Variants in FAM184B observed in about 807,000 individuals in gnomAD.
FAM184B encodes the protein protein FAM184B.
Under a neutral mutation model 135.9 loss-of-function variants are expected in FAM184B, and 111 were observed. That is an observed-to-expected ratio of 0.82 (90% CI 0.70 to 0.96). The LOEUF (loss-of-function observed/expected upper bound fraction) is 0.96. FAM184B is among the 40% of genes least tolerant of loss of function. The pLI is 0.00. For synonymous variants in FAM184B, 552 were observed against 524.8 expected (o/e 1.05, Z -0.71); for missense variants, 1,375 against 1,323.9 (o/e 1.04, Z -0.60).
chr4:17,769,164 C>T (rs1041358371), intron 1 of FAM184B, among the ~76,000 whole-genome samples: 3 of 152,086 alleles, frequency 2.0e-5, no homozygotes, highest in Non-Finnish European at 4.4e-5. Flanking sequence ...AGAATACTAA[C>T]ACAACCATTA....
Position 17,635,110 on chromosome 4 carries a change from C to T in FAM184B, c.2788G>A (p.Glu930Lys). ...REDIIKQLTE[E>K]RRFHYAAFPS... is the part of the protein sequence containing the mutation. ...AATGCTGCGTAGTGAAATCTTCTCT[C>T]TTCCTAGAAAACCAATACAACTGAG... is the stretch of plus-strand genomic sequence containing the variant. The change falls in exon 16 of 18, where the codon GAG (glutamate) becomes AAG (lysine). Residue 930 changes from glutamate to lysine, a missense_variant. Physicochemically the swap from Glu to Lys is moderately conservative, Grantham distance 56. Transcript: ENST00000265018. 3.2e-6 allele frequency: 5 copies of T among 1,551,204 alleles called. No individual in the cohort carries two copies. The highest frequency in any genetic ancestry group is 4.4e-6 in the Non-Finnish European group (5 of 1,146,594).
intron 1 of FAM184B, among the ~76,000 whole-genome samples, chr4:17,746,730 T>TC (rs1248095816): frequency 1.2e-4 from 15 of 125,108 alleles, no homozygotes; most frequent in African/African-American, 5.1e-4. Context: ...AGACACGGTC[T>TC]CAAAAAAAAA....
chr4:17,631,207 GATATAT>G lies in FAM184B; in HGVS notation c.*1319_*1324del, dbSNP rs113202971. Reference sequence around the variant, plus strand: ...AAACCCAAAGACCAGAGGTTCAGGGGATATATATATATATTTTTTTAATCTGTAGAG... The same window carrying G: ...AAACCCAAAGACCAGAGGTTCAGGGGATATATATTTTTTTAATCTGTAGAG... On this transcript the variant is annotated 3_prime_UTR_variant, in exon 18 of 18. Transcript: ENST00000265018. The G allele has an allele frequency of 2.0e-5, 3 of 151,712 alleles. No homozygotes were observed. Among genetic ancestry groups the G allele is most frequent in the South Asian group, 2.1e-4 (1 of 4,822 alleles). 9.4% of individuals were successfully genotyped at this position (151,712 alleles called of 1,614,324 possible).
rs111725471 is a variant in FAM184B, at chr4:17,714,478, C to T, written c.142-4834G>A. ...CCCTGAAGGACCAGGGAGAAGGCCA[C>T]CTACTCCCTCAGGAACACTGTCTGT... On this transcript the variant is annotated intron_variant, in intron 1 of 17. Transcript: ENST00000265018. 2.0e-3 allele frequency among the ~76,000 whole-genome samples: 297 copies of T among 152,220 alleles called. 2 individuals are homozygous for T. The highest frequency in any genetic ancestry group is 6.5e-3 in the African/African-American group (271 of 41,536).
At chr4:17,681,991 T>C (rs567539996) in intron 7 of FAM184B, among the ~76,000 whole-genome samples, 5 of 152,320 alleles carry the variant, frequency 3.3e-5, no homozygotes, top group African/African-American at 1.2e-4. Context: ...CCATTTGAAA[T>C]GTGAGCCCTC....
chr4:17,733,884 C>G (rs1717846788), intron 1 of FAM184B, among the ~76,000 whole-genome samples: 2 of 152,054 alleles, frequency 1.3e-5, no homozygotes, highest in African/African-American at 4.8e-5. Flanking sequence ...AATCCTAAGC[C>G]AAAAGAACAA....
chr4:17,705,943 T>G (rs1179872036), intron 3 of FAM184B, 52 bp from the exon 4 acceptor site: 3 of 1,547,028 alleles, frequency 1.9e-6, no homozygotes, highest in African/African-American at 2.7e-5. Context: ...CATGGCCTCT[T>G]GTTCAAGGCT....
At chr4:17,640,345 A>G (rs1023541389) in intron 13 of FAM184B, among the ~76,000 whole-genome samples, 2 of 149,848 alleles carry the variant, frequency 1.3e-5, no homozygotes, top group Non-Finnish European at 3.0e-5. Flanking sequence ...TTAGCTGGGC[A>G]TGGTGGTGTC....
intron 1 of FAM184B, among the ~76,000 whole-genome samples, chr4:17,748,239 C>T (rs1718218432): frequency 6.6e-6 from 1 of 151,868 alleles, no homozygotes; most frequent in Admixed American, 6.6e-5. Context: ...CACTCTTGCT[C>T]TCTGAGGTGC....
At chr4:17,664,776 C>G in intron 7 of FAM184B, 117 bp from the exon 8 acceptor site, 4 of 796,022 alleles carry the variant, frequency 5.0e-6, no homozygotes, top group Non-Finnish European at 7.8e-6. Context: ...GAGCCCCCAG[C>G]AACCCACTAT....
rs374015953 is a variant in FAM184B, at chr4:17,691,613, G to T, written c.1488+1689C>A. On this transcript the variant is annotated intron_variant, in intron 6 of 17. Coordinates refer to ENST00000265018, the MANE Select transcript of FAM184B (RefSeq NM_015688.2). ...AGGCAGGAGAATTGCTTGAACCCAGGAGGTGGAGGTTGCAGTGAGCTGAGA... is the reference window on the plus strand; with the variant it reads ...AGGCAGGAGAATTGCTTGAACCCAGTAGGTGGAGGTTGCAGTGAGCTGAGA... Among the ~76,000 whole-genome samples the T allele has an allele frequency of 3.3e-5, 5 of 151,048 alleles. No individual in the cohort carries two copies. In the South Asian group the frequency reaches 1.0e-3, roughly 32 times the overall value.
intron 1 of FAM184B, among the ~76,000 whole-genome samples, chr4:17,772,650 C>T (rs1421561585): frequency 6.6e-6 from 1 of 152,226 alleles, no homozygotes; most frequent in African/African-American, 2.4e-5. Context: ...AATAACATTC[C>T]TCTTCCCCAC....
intron 11 of FAM184B, among the ~76,000 whole-genome samples, chr4:17,651,939 G>T (rs1233351209): frequency 6.6e-6 from 1 of 152,084 alleles, no homozygotes; most frequent in Non-Finnish European, 1.5e-5. Context: ...AGGAAGCAGA[G>T]CCTGGAGGCC....
At chr4:17,664,005 G>C (rs1228828826) in intron 8 of FAM184B, among the ~76,000 whole-genome samples, 1 of 152,134 alleles carries the variant, frequency 6.6e-6, no homozygotes. Context: ...GCAGAATTGT[G>C]AGTCAATTAA....
intron 7 of FAM184B, among the ~76,000 whole-genome samples, chr4:17,668,711 T>G (rs895834619): frequency 5.3e-5 from 8 of 152,148 alleles, no homozygotes; most frequent in African/African-American, 1.9e-4. Flanking sequence ...TTTTTTATTT[T>G]TTTGAGTAGA....
At chr4:17,695,603 A>G (rs1316526619) in intron 5 of FAM184B, among the ~76,000 whole-genome samples, 2 of 152,110 alleles carry the variant, frequency 1.3e-5, no homozygotes, top group Non-Finnish European at 2.9e-5. Flanking sequence ...GTGGCAGTGC[A>G]GCTGGGAGGA....
At chr4:17,663,629 CACACA>C (rs1715971271) in intron 8 of FAM184B, among the ~76,000 whole-genome samples, 1 of 151,784 alleles carries the variant, frequency 6.6e-6, no homozygotes, top group African/African-American at 2.4e-5. Flanking sequence ...CACACACACA[CACACA>C]CACACACACA....
Position 17,707,666 on chromosome 4 carries a change from C to T in FAM184B, c.1013G>A (p.Arg338His), listed in dbSNP as rs370275592. ...AKDRMMLQECRGTQQTDAMKT... is the reference protein window; with the variant it reads ...AKDRMMLQECHGTQQTDAMKT... ...CATCTCACCTGTCTGCTGTGTCCCA[C>T]GACACTCCTGCAGCATCATTCTGTC... The change falls in exon 3 of 18, where the codon CGT (arginine) becomes CAT (histidine). Residue 338 changes from arginine (R) to histidine (H), a missense_variant. Coordinates refer to ENST00000265018, the MANE Select transcript of FAM184B (RefSeq NM_015688.2). The T allele has an allele frequency of 3.1e-4, 477 of 1,551,772 alleles. No homozygotes were observed. Among genetic ancestry groups the T allele is most frequent in the Non-Finnish European group, 3.9e-4 (451 of 1,147,010 alleles).
intron 1 of FAM184B, among the ~76,000 whole-genome samples, chr4:17,765,100 T>G (rs1718630256): frequency 6.6e-6 from 1 of 152,176 alleles, no homozygotes; most frequent in South Asian, 2.1e-4. Context: ...CCATTGTCCT[T>G]GAAACTACGA....
Sources: allele counts gnomAD v4.1 joint callset (sites outside exome capture counted in the v4.1 genomes callset), GRCh38; gene constraint gnomAD v4.1.1; transcripts MANE v1.5; gene names NCBI Gene and HGNC (gene_info 2026-07-23, HGNC 2026-07-21).